Variants in RTTN observed in about 807,000 individuals in gnomAD.
The protein encoded by RTTN is rotatin.
RTTN carries 182 observed loss-of-function variants against 269.2 expected under a neutral mutation model. That is an observed-to-expected ratio of 0.68 (90% CI 0.60 to 0.76). The LOEUF (loss-of-function observed/expected upper bound fraction) is 0.76. RTTN is among the 30% of genes least tolerant of loss of function. The pLI is 0.00. For synonymous variants in RTTN, 1,006 were observed against 963.5 expected (o/e 1.04, Z -0.82); for missense variants, 2,545 against 2,608.6 (o/e 0.98, Z 0.53).
intron 46 of RTTN, among the ~76,000 whole-genome samples, chr18:70,012,241 C>T (rs572538714): frequency 1.9e-4 from 28 of 149,028 alleles, no homozygotes; most frequent in Non-Finnish European, 3.6e-4. Flanking sequence ...AGTTACAGCA[C>T]AGTGTCTGTT....
chr18:70,055,081 A>G (rs2057778835), intron 37 of RTTN, among the ~76,000 whole-genome samples: 1 of 152,198 alleles, frequency 6.6e-6, no homozygotes, highest in Non-Finnish European at 1.5e-5. Context: ...AAATTAAATC[A>G]TCTTCAATAT....
rs2061061147 is a variant in RTTN, at chr18:70,168,877, A to T, written c.1667T>A (p.Phe556Tyr). 6.2e-7 allele frequency: 1 copy of T among 1,610,518 alleles called. No individual in the cohort carries two copies. Among genetic ancestry groups the T allele is most frequent in the African/African-American group, 1.3e-5 (1 of 74,820 alleles). Reference protein sequence around the residue: ...AVYSIECTCNFLSDIGKEGEK... With the variant: ...AVYSIECTCNYLSDIGKEGEK... ...TACCTCTTTCCCAATATCAGACAGG[A>T]AGTTACAGGTGCATTCAATTGAATA... The change falls in exon 12 of 49, where the codon TTC (phenylalanine) becomes TAC (tyrosine). Residue 556 changes from phenylalanine (F) to tyrosine (Y), a missense_variant. Phe to Tyr is a conservative substitution (Grantham distance 22). Coordinates refer to ENST00000640769, the MANE Select transcript of RTTN (RefSeq NM_173630.4).
chr18:70,054,342 T>G, intron 37 of RTTN, 58 bp from the exon 38 acceptor site: 3 of 1,466,300 alleles, frequency 2.0e-6, no homozygotes, highest in Non-Finnish European at 2.8e-6. Context: ...CCCATCTCAG[T>G]GATACAGCAT....
At position 70,067,509 on chromosome 18, in the gene RTTN, T is replaced by C. The variant is rs75328218; in HGVS notation, c.4654-1587A>G. 3.2e-3 allele frequency among the ~76,000 whole-genome samples: 485 copies of C among 152,300 alleles called. 2 individuals are homozygous for C. Among genetic ancestry groups the C allele is most frequent in the African/African-American group, 0.011 (458 of 41,570 alleles). On this transcript the variant is annotated intron_variant, in intron 34 of 48. Coordinates refer to ENST00000640769, the MANE Select transcript of RTTN (RefSeq NM_173630.4). ...TTGCCTACAATTTGGCAATGAGAGA[T>C]ATGTGAAAAAATGTTCCTGTCAACA...
chr18:70,203,668 C>A (rs1038746919), intron 3 of RTTN, among the ~76,000 whole-genome samples: 2 of 152,146 alleles, frequency 1.3e-5, no homozygotes, highest in Non-Finnish European at 2.9e-5. Context: ...AAAATACTTG[C>A]ATTATGTCGT....
chr18:70,190,697 C>A lies in RTTN; in HGVS notation c.1030G>T (p.Val344Leu), dbSNP rs1483783786. 4 of 1,609,684 alleles carry A rather than the reference C, an allele frequency of 2.5e-6. No homozygotes were observed. Among genetic ancestry groups the A allele is most frequent in the Non-Finnish European group, 3.4e-6 (4 of 1,176,512 alleles). The change falls in exon 9 of 49, where the codon GTA becomes TTA. Residue 344 changes from valine to leucine, a missense_variant. By Grantham distance (32) the Val-to-Leu change is conservative (BLOSUM62 1). Transcript: ENST00000640769. ...SSSGSSSHAHVNSRISVHSPL... is the reference protein window; with the variant it reads ...SSSGSSSHAHLNSRISVHSPL... ...GAATGAACGGATATCCTGGAGTTTA[C>A]ATGAGCATGACTACTACTTCCACTG...
At chr18:70,103,106 G>A (rs188367232) in intron 28 of RTTN, among the ~76,000 whole-genome samples, 1,865 of 150,608 alleles carry the variant, frequency 0.012, 23 homozygotes, top group South Asian at 0.037. Context: ...TGTGAGGAGC[G>A]CCTCTGCCCA....
intron 37 of RTTN, among the ~76,000 whole-genome samples, chr18:70,057,132 T>C (rs912332104): frequency 6.6e-6 from 1 of 152,244 alleles, no homozygotes; most frequent in African/African-American, 2.4e-5. Flanking sequence ...CAAGAGATAT[T>C]GGTCTACTTC....
intron 37 of RTTN, among the ~76,000 whole-genome samples, chr18:70,054,717 G>C (rs2057768535): frequency 6.6e-6 from 1 of 152,062 alleles, no homozygotes; most frequent in Admixed American, 6.6e-5. Context: ...TACTTGGGAG[G>C]CTGAGATGGG....
At chr18:70,022,563 T>C (rs769563856) in intron 44 of RTTN, among the ~76,000 whole-genome samples, 6 of 152,154 alleles carry the variant, frequency 3.9e-5, no homozygotes, top group Non-Finnish European at 8.8e-5. Flanking sequence ...CTCTTAAGAG[T>C]AGTACATTTT....
chr18:70,143,840 A>G (rs575925131), intron 18 of RTTN, among the ~76,000 whole-genome samples: 30 of 152,134 alleles, frequency 2.0e-4, no homozygotes, highest in Admixed American at 1.6e-3. Flanking sequence ...AAGAGTCATC[A>G]TGTCAAATAA....
At chr18:70,183,849 C>A (rs1207496365) in intron 10 of RTTN, among the ~76,000 whole-genome samples, 1 of 152,156 alleles carries the variant, frequency 6.6e-6, no homozygotes, top group African/African-American at 2.4e-5. Flanking sequence ...CACCTGTCAG[C>A]CTCAAACTTC....
intron 14 of RTTN, among the ~76,000 whole-genome samples, chr18:70,155,040 C>T (rs1568475098): frequency 6.6e-6 from 1 of 152,200 alleles, no homozygotes; most frequent in East Asian, 1.9e-4. Context: ...TCTAAGCCCA[C>T]CTAACCCCAA....
intron 29 of RTTN, among the ~76,000 whole-genome samples, 158 bp from the exon 30 acceptor site, chr18:70,092,378 T>G (rs1599491494): frequency 1.3e-5 from 2 of 150,096 alleles, no homozygotes; most frequent in African/African-American, 5.1e-5. Context: ...ACAAAAAAAT[T>G]TGTTTCTCTT....
At chr18:70,141,165 A>C (rs918285719) in intron 19 of RTTN, among the ~76,000 whole-genome samples, 1 of 152,170 alleles carries the variant, frequency 6.6e-6, no homozygotes, top group Non-Finnish European at 1.5e-5. Context: ...TGTTAAAACT[A>C]AAAATATGTG....
chr18:70,036,215 A>C (rs968190297), intron 40 of RTTN, among the ~76,000 whole-genome samples: 1 of 152,218 alleles, frequency 6.6e-6, no homozygotes, highest in African/African-American at 2.4e-5. Context: ...AAGGAATATA[A>C]ATCATTCTAT....
At chr18:70,149,079 A>G in intron 16 of RTTN, 42 bp from the exon 17 acceptor site, 5 of 1,558,834 alleles carry the variant, frequency 3.2e-6, no homozygotes, top group Non-Finnish European at 4.4e-6. Context: ...GTCTAATTGT[A>G]TACATAACTT....
At chr18:70,193,507 C>A in intron 7 of RTTN, 54 bp from the exon 8 acceptor site, 2 of 1,236,200 alleles carry the variant, frequency 1.6e-6, no homozygotes, top group Non-Finnish European at 2.2e-6. Flanking sequence ...AGACTTCTGA[C>A]TATGTGGTAT....
At chr18:70,061,382 G>T (rs946290525) in intron 35 of RTTN, 1 of 456,180 alleles carries the variant, frequency 2.2e-6, no homozygotes, top group Non-Finnish European at 4.4e-6. Flanking sequence ...TTGGATATTT[G>T]TTCCAAAGTG....
Sources: gnomAD v4.1 joint callset for allele counts (sites outside exome capture counted in the v4.1 genomes callset) on GRCh38, gnomAD v4.1.1 for gene constraint, MANE v1.5 for transcripts, NCBI Gene and HGNC (gene_info 2026-07-23, HGNC 2026-07-21) for gene names.